NDUFV2: variants seen among roughly 807,000 people sequenced by gnomAD.
The protein encoded by NDUFV2 is NADH:ubiquinone oxidoreductase core subunit V2, also known as NADH dehydrogenase [ubiquinone] flavoprotein 2, mitochondrial.
A neutral mutation model predicts 31.6 loss-of-function variants in NDUFV2; 18 were observed. The observed-to-expected ratio is 0.57, with a 90% CI of 0.39 to 0.84. The LOEUF is 0.84. Ranked by LOEUF, NDUFV2 falls within the 40% of genes least tolerant of loss-of-function variation. The pLI is 0.00. For missense variants in NDUFV2, 314 were observed against 303.6 expected, an observed-to-expected ratio of 1.03 and a Z score of -0.26; for synonymous variants, 83 against 99.8, an observed-to-expected ratio of 0.83 and a Z score of 1.01.
At chr18:9,129,161 G>A (rs2078018514) in intron 7 of NDUFV2, among the ~76,000 whole-genome samples, 2 of 152,086 alleles carry the variant, frequency 1.3e-5, no homozygotes, top group East Asian at 1.9e-4. Flanking sequence ...GGGTGGTCTC[G>A]AACTCCTGAC....
intron 1 of NDUFV2, chr18:9,104,240 C>T (rs1568184831): frequency 1.2e-6 from 2 of 1,612,358 alleles, no homozygotes; most frequent in Non-Finnish European, 1.7e-6. Context: ...GGTGTGTTCC[C>T]AAATGAAATA....
At chr18:9,130,794 G>A (rs560678638) in intron 7 of NDUFV2, among the ~76,000 whole-genome samples, 1 of 152,274 alleles carries the variant, frequency 6.6e-6, no homozygotes, top group South Asian at 2.1e-4. Context: ...TGGTTCAATA[G>A]TAACTGATTC....
In NDUFV2 at chr18:9,102,709, G is replaced by A; in HGVS notation, c.-35G>A. Reference sequence around the variant, plus strand: ...CTGGGCGCGCTCGGGATTCTCGCCTGGCGCGGCTGGGGAAGGTGAACAGTG... The same window carrying A: ...CTGGGCGCGCTCGGGATTCTCGCCTAGCGCGGCTGGGGAAGGTGAACAGTG... On this transcript the variant is annotated 5_prime_UTR_variant, in exon 1 of 8. Coordinates refer to ENST00000318388, the MANE Select transcript of NDUFV2 (RefSeq NM_021074.5). 6.4e-7 allele frequency: 1 copy of A among 1,569,734 alleles called. No homozygotes were observed.
chr18:9,110,128 G>T (rs574734944), intron 1 of NDUFV2, among the ~76,000 whole-genome samples: 3 of 152,274 alleles, frequency 2.0e-5, no homozygotes, highest in Non-Finnish European at 2.9e-5. Flanking sequence ...CTCAAAGAAG[G>T]GGGTGGGTGG....
intron 1 of NDUFV2, among the ~76,000 whole-genome samples, chr18:9,111,950 T>G (rs1038609881): frequency 9.2e-5 from 14 of 151,516 alleles, no homozygotes; most frequent in African/African-American, 3.2e-4. Flanking sequence ...ATGATGAAAT[T>G]GACATTTCAT....
intron 1 of NDUFV2, among the ~76,000 whole-genome samples, chr18:9,112,017 GT>G (rs10659823): frequency 6.5e-4 from 79 of 122,348 alleles, no homozygotes; most frequent in South Asian, 1.3e-3. Context: ...CATCAGAAGG[GT>G]TTTTTTTTTT....
chr18:9,134,335 A>C lies in NDUFV2; in HGVS notation c.*56A>C, dbSNP rs757514538. ...GAAATAAAATATGGACTTCCAATCT[A>C]CGTAAACTTATTTGTTTATTCTGCT... On this transcript the variant is annotated 3_prime_UTR_variant, in exon 8 of 8. Coordinates refer to ENST00000318388, the MANE Select transcript of NDUFV2 (RefSeq NM_021074.5). 2 of 1,312,312 alleles carry C rather than the reference A, an allele frequency of 1.5e-6. No homozygotes were observed. Among genetic ancestry groups the C allele is most frequent in the East Asian group, 2.3e-5 (1 of 43,126 alleles). 81.3% of individuals were successfully genotyped at this position (1,312,312 alleles called of 1,614,324 possible). A position where few individuals can be genotyped will look rare whatever the true frequency, so the allele number is the denominator to read the frequency against.
rs1568191173 is a variant in NDUFV2, at chr18:9,119,456, GTTCT to G, written c.184-11_184-8del. 2.5e-6 allele frequency: 4 copies of G among 1,609,362 alleles called. No individual in the cohort carries two copies. The highest frequency in any genetic ancestry group is 2.7e-5 in the African/African-American group (2 of 74,794). On this transcript the variant is annotated splice_polypyrimidine_tract_variant and intron_variant, in intron 3 of 7. Transcript: ENST00000318388. Reference sequence around the variant, plus strand: ...ATATTTTCTAGATGTATAAAATGATGTTCTTTCTTTTATACAGAGGATAGAGGCA... The same window carrying G: ...ATATTTTCTAGATGTATAAAATGATGTTCTTTTATACAGAGGATAGAGGCA...
intron 4 of NDUFV2, among the ~76,000 whole-genome samples, chr18:9,120,811 TATA>T (rs1191432856): frequency 1.3e-5 from 2 of 152,228 alleles, no homozygotes; most frequent in Admixed American, 6.5e-5. Context: ...TAGCCAACTT[TATA>T]ATGATTTAGG....
chr18:9,124,292 TTTTAA>T (rs2077967364), intron 5 of NDUFV2, among the ~76,000 whole-genome samples: 1 of 151,328 alleles, frequency 6.6e-6, no homozygotes, highest in Non-Finnish European at 1.5e-5. Context: ...GTAAAAAAAT[TTTTAA>T]TTTTTTTGTA....
chr18:9,117,789 T>C (rs768340624), intron 1 of NDUFV2, 49 bp from the exon 2 acceptor site: 1 of 1,088,538 alleles, frequency 9.2e-7, no homozygotes, highest in Non-Finnish European at 1.4e-6. Flanking sequence ...TTATGAAAAA[T>C]TTTTTAAGGC....
At chr18:9,103,685 A>C (rs1196362272) in intron 1 of NDUFV2, 1 of 155,468 alleles carries the variant, frequency 6.4e-6, no homozygotes, top group African/African-American at 2.4e-5. Flanking sequence ...ATGTTAGCTT[A>C]ACTGCCTTTT....
chr18:9,119,592 T>A lies in NDUFV2; in HGVS notation c.300+2T>A. 1 of 1,607,580 alleles carries A rather than the reference T, an allele frequency of 6.2e-7. No individual in the cohort carries two copies. The highest frequency in any genetic ancestry group is 2.2e-5 in the East Asian group (1 of 44,802). On this transcript the variant is annotated splice_donor_variant, in intron 4 of 7. Transcript: ENST00000318388. LOFTEE classifies it high-confidence loss of function. ...TTGCCCATCTCTGCTATGAACAAGGTACTGGATTCATTTTTGCCTTAGTTC... is the reference window on the plus strand; with the variant it reads ...TTGCCCATCTCTGCTATGAACAAGGAACTGGATTCATTTTTGCCTTAGTTC...
chr18:9,129,133 G>A (rs1213417966), intron 7 of NDUFV2, among the ~76,000 whole-genome samples: 1 of 152,154 alleles, frequency 6.6e-6, no homozygotes, highest in African/African-American at 2.4e-5. Context: ...TAGAGACGGG[G>A]TTTTACCATG....
chr18:9,126,635 C>T (rs944807979), intron 6 of NDUFV2, 196 bp from the exon 7 acceptor site: 46 of 540,094 alleles, frequency 8.5e-5, no homozygotes, highest in Middle Eastern at 5.3e-4. Flanking sequence ...CAGATTTCAG[C>T]CGTAGAAAGT....
chr18:9,125,973 G>A (rs1053861534), intron 6 of NDUFV2, among the ~76,000 whole-genome samples: 2 of 152,060 alleles, frequency 1.3e-5, no homozygotes, highest in African/African-American at 4.8e-5. Context: ...AGACTCTCTG[G>A]GGCTGGCTGG....
chr18:9,114,398 A>C lies in NDUFV2; in HGVS notation c.55-3440A>C, dbSNP rs141091542. ...CTCTTTGATAAAGTCAACTAACAGC[A>C]CAATTTTTTAAAAATAGGTGTAGTT... On this transcript the variant is annotated intron_variant, in intron 1 of 7. Transcript: ENST00000318388. 7.5e-3 allele frequency among the ~76,000 whole-genome samples: 1,145 copies of C among 151,814 alleles called. 20 individuals are homozygous for C. Among genetic ancestry groups the C allele is most frequent in the African/African-American group, 0.026 (1,084 of 41,428 alleles).
At chr18:9,105,590 G>C (rs1200137674) in intron 1 of NDUFV2, among the ~76,000 whole-genome samples, 1 of 152,172 alleles carries the variant, frequency 6.6e-6, no homozygotes, top group Admixed American at 6.5e-5. Flanking sequence ...GAAGGTGAGA[G>C]GGTTGTGGTG....
chr18:9,102,829 C>T (rs1220910866), intron 1 of NDUFV2, 32 bp downstream of exon 1: 6 of 1,537,372 alleles, frequency 3.9e-6, no homozygotes, highest in Non-Finnish European at 2.6e-6. Context: ...CCGGCGCTGC[C>T]GCCGCCCTTC....
Sources: gnomAD v4.1 joint callset for allele counts (sites outside exome capture counted in the v4.1 genomes callset) on GRCh38, gnomAD v4.1.1 for gene constraint, MANE v1.5 for transcripts, NCBI Gene and HGNC (gene_info 2026-07-23, HGNC 2026-07-21) for gene names.